Variants in ROR2 observed in about 807,000 individuals in gnomAD.
ROR2 encodes the protein tyrosine-protein kinase transmembrane receptor ROR2.
ROR2 carries 33 observed loss-of-function variants against 74.9 expected under a neutral mutation model. The ratio of observed to expected loss-of-function variants is 0.44; its 90% CI spans 0.33 to 0.59. The LOEUF (loss-of-function observed/expected upper bound fraction) is 0.59, where lower values mean the gene tolerates loss of function less well. ROR2 is among the 20% of genes least tolerant of loss of function. The pLI, the probability that ROR2 is intolerant of heterozygous loss-of-function variation, is 0.02. For synonymous variants in ROR2, 586 were observed against 558.7 expected (o/e 1.05, Z -0.69); for missense variants, 1,216 against 1,313.8 (o/e 0.93, Z 1.15).
intron 1 of ROR2, among the ~76,000 whole-genome samples, chr9:91,896,531 T>G (rs1830542493): frequency 6.6e-6 from 1 of 152,222 alleles, no homozygotes; most frequent in Admixed American, 6.5e-5. Flanking sequence ...CAGTTTCTTA[T>G]ACCTCAAAAG....
At position 91,892,052 on chromosome 9, in the gene ROR2, G is replaced by GAAAAAAAAAAA. The variant is rs74312809; in HGVS notation, c.97+57804_97+57814dup. 2.8e-5 allele frequency among the ~76,000 whole-genome samples: 2 copies of GAAAAAAAAAAA among 71,030 alleles called. 1 individual carries two copies. Among genetic ancestry groups the GAAAAAAAAAAA allele is most frequent in the African/African-American group, 7.5e-5 (2 of 26,684 alleles). 46.6% of individuals were successfully genotyped at this position (71,030 alleles called of 152,430 possible). A position where few individuals can be genotyped will look rare whatever the true frequency, so the allele number is the denominator to read the frequency against. Reference sequence around the variant, plus strand: ...AACAGAACAAGAATCTGTCTAAGAAGAAAAAAAAAAAAAAAAAAAGCCAGC... The same window carrying GAAAAAAAAAAA: ...AACAGAACAAGAATCTGTCTAAGAAGAAAAAAAAAAAAAAAAAAAAAAAAAAAAAAGCCAGC... On this transcript the variant is annotated intron_variant, in intron 1 of 8. Transcript: ENST00000375708.
Position 91,724,901 on chromosome 9 carries a change from C to T in ROR2, c.1593G>A (p.Leu531=), listed in dbSNP as rs1229265478. The part of the protein sequence containing the change: ...FRHEAMLRAR[L]QHPNVVCLLG... ...GCAGGCAGACGACGTTGGGGTGTTG[C>T]AGCCGTGCTCGCAGCATAGCCTCAT... Residue 531 remains leucine, a synonymous_variant, in exon 9 of 9, where the codon CTG becomes CTA. Transcript: ENST00000375708. 1 of 1,607,046 alleles carries T rather than the reference C, an allele frequency of 6.2e-7. No individual in the cohort carries two copies. The highest frequency in any genetic ancestry group is 8.5e-7 in the Non-Finnish European group (1 of 1,175,028).
At chr9:91,914,138 C>G (rs1036030900) in intron 1 of ROR2, among the ~76,000 whole-genome samples, 2 of 152,138 alleles carry the variant, frequency 1.3e-5, no homozygotes, top group South Asian at 4.1e-4. Context: ...TGCTGGGCCA[C>G]GCTCCACTGT....
At chr9:91,891,842 G>A (rs1830427947) in intron 1 of ROR2, among the ~76,000 whole-genome samples, 1 of 151,970 alleles carries the variant, frequency 6.6e-6, no homozygotes, top group Non-Finnish European at 1.5e-5. Flanking sequence ...GAGGTCAGGA[G>A]TTCAAGACCA....
intron 4 of ROR2, among the ~76,000 whole-genome samples, chr9:91,752,684 T>C (rs1280735661): frequency 2.0e-5 from 3 of 152,232 alleles, no homozygotes; most frequent in South Asian, 2.1e-4. Flanking sequence ...TCAGACCTTA[T>C]AGTGCTATAC....
intron 1 of ROR2, among the ~76,000 whole-genome samples, chr9:91,862,434 G>A (rs930693276): frequency 1.6e-4 from 24 of 152,108 alleles, no homozygotes; most frequent in African/African-American, 5.8e-4. Flanking sequence ...AAGGCAGGAG[G>A]ATCAGTTGAG....
intron 5 of ROR2, among the ~76,000 whole-genome samples, chr9:91,737,044 C>A (rs1825053779): frequency 6.6e-6 from 1 of 152,202 alleles, no homozygotes; most frequent in Non-Finnish European, 1.5e-5. Flanking sequence ...TGTGGGGGCG[C>A]TGAGGCTATC....
In ROR2 at chr9:91,750,662, T is replaced by C. The variant is rs1265239245; in HGVS notation, c.494+5409A>G. Among the ~76,000 whole-genome samples the C allele has an allele frequency of 3.9e-5, 6 of 152,070 alleles. 1 individual carries two copies. Among genetic ancestry groups the C allele is most frequent in the Admixed American group, 3.3e-4 (5 of 15,280 alleles). On this transcript the variant is annotated intron_variant, in intron 4 of 8. Coordinates refer to ENST00000375708, the MANE Select transcript of ROR2 (RefSeq NM_004560.4). ...TATGAGGACTAGAACAAGAAGGCAG[T>C]GTAGTTTGGTTCAGTCTCAGCTGGA...
chr9:91,855,611 C>T (rs1564001870), intron 1 of ROR2, among the ~76,000 whole-genome samples: 1 of 152,170 alleles, frequency 6.6e-6, no homozygotes, highest in Non-Finnish European at 1.5e-5. Flanking sequence ...GGGCAATCAG[C>T]CTGCCTTTGC....
chr9:91,772,015 T>G (rs188363439), intron 2 of ROR2, among the ~76,000 whole-genome samples: 53 of 152,352 alleles, frequency 3.5e-4, no homozygotes, highest in African/African-American at 1.0e-3. Context: ...AGCGTGACAT[T>G]CCCAGAAGCT....
chr9:91,775,754 A>T lies in ROR2; in HGVS notation c.162T>A (p.Ile54=). ...LGPLDGQDGP[I]PTLKGYFLNF... The stretch of plus-strand genomic sequence containing the variant: ...GTCCCAGCTCACCTTTCAGAGTTGG[A>T]ATCGGGCCGTCCTGCCCATCAAGGG... Residue 54 remains isoleucine, a synonymous_variant, in exon 2 of 9, where the codon ATT becomes ATA. Coordinates refer to ENST00000375708, the MANE Select transcript of ROR2 (RefSeq NM_004560.4). 6.2e-7 allele frequency: 1 copy of T among 1,614,194 alleles called. No homozygotes were observed. The highest frequency in any genetic ancestry group is 8.5e-7 in the Non-Finnish European group (1 of 1,180,010).
intron 2 of ROR2, among the ~76,000 whole-genome samples, chr9:91,772,722 C>T (rs986904726): frequency 6.6e-6 from 1 of 152,164 alleles, no homozygotes; most frequent in Non-Finnish European, 1.5e-5. Context: ...CAACTCCTTT[C>T]GGTCATGGGA....
intron 1 of ROR2, among the ~76,000 whole-genome samples, chr9:91,862,895 C>A (rs1327207524): frequency 5.9e-5 from 9 of 152,236 alleles, no homozygotes; most frequent in Admixed American, 5.9e-4. Flanking sequence ...AAAGGCAACT[C>A]TGTCAAAATA....
chr9:91,737,351 G>A, intron 5 of ROR2, 40 bp downstream of exon 5: 1 of 1,613,572 alleles, frequency 6.2e-7, no homozygotes, highest in East Asian at 2.2e-5. Flanking sequence ...ATGGCTGTGT[G>A]CATGCTTATC....
intron 1 of ROR2, among the ~76,000 whole-genome samples, chr9:91,810,047 C>T (rs1468371726): frequency 1.3e-5 from 2 of 152,242 alleles, no homozygotes; most frequent in Admixed American, 6.5e-5. Context: ...CCACACATGA[C>T]CCCCAGTCCC....
At chr9:91,792,387 A>C (rs926746313) in intron 1 of ROR2, among the ~76,000 whole-genome samples, 2 of 79,706 alleles carry the variant, frequency 2.5e-5, no homozygotes, top group African/African-American at 1.4e-4. Flanking sequence ...AGCTCACTGC[A>C]AGCTCCCGCC....
At chr9:91,852,904 A>C (rs997929483) in intron 1 of ROR2, among the ~76,000 whole-genome samples, 5 of 152,234 alleles carry the variant, frequency 3.3e-5, no homozygotes, top group Non-Finnish European at 7.3e-5. Context: ...CACCGGACAC[A>C]GTGCAGCACT....
At chr9:91,790,983 A>G (rs1027475525) in intron 1 of ROR2, among the ~76,000 whole-genome samples, 1 of 152,236 alleles carries the variant, frequency 6.6e-6, no homozygotes, top group East Asian at 1.9e-4. Flanking sequence ...TTTATATAGT[A>G]AAAAGGTTAC....
intron 1 of ROR2, chr9:91,948,866 C>G (rs1000045403): frequency 1.1e-5 from 11 of 985,314 alleles, no homozygotes; most frequent in Non-Finnish European, 1.2e-5. Context: ...CGCAGGGTGC[C>G]GAGAATCCGG....
Sources: gnomAD v4.1 joint callset for allele counts (sites outside exome capture counted in the v4.1 genomes callset) on GRCh38, gnomAD v4.1.1 for gene constraint, MANE v1.5 for transcripts, NCBI Gene and HGNC (gene_info 2026-07-23, HGNC 2026-07-21) for gene names.